Variants in MAST4 observed in about 807,000 individuals in gnomAD.
MAST4 encodes microtubule associated serine/threonine kinase family member 4.
Under a neutral mutation model 162.7 loss-of-function variants are expected in MAST4, and 89 were observed. The observed-to-expected ratio is 0.55, with a 90% CI of 0.46 to 0.65. The LOEUF is 0.65. Among genes scored for constraint, MAST4 ranks in the 30% least tolerant of loss-of-function variants. The probability of loss-of-function intolerance (pLI) is 0.00; values close to 1 mark genes in which losing one functional copy is unlikely to be tolerated. For synonymous variants in MAST4, 1,479 were observed against 1,361.1 expected (o/e 1.09, Z -1.91); for missense variants, 3,153 against 3,374.0 (o/e 0.93, Z 1.62).
chr5:66,911,234 C>G (rs534405479), intron 4 of MAST4, among the ~76,000 whole-genome samples: 1 of 152,028 alleles, frequency 6.6e-6, no homozygotes, highest in Non-Finnish European at 1.5e-5. Flanking sequence ...TGACCAGCAC[C>G]GTAAGGAAAT....
chr5:66,735,788 C>G (rs1468816370), intron 1 of MAST4, among the ~76,000 whole-genome samples: 2 of 152,134 alleles, frequency 1.3e-5, no homozygotes, highest in Non-Finnish European at 2.9e-5. Flanking sequence ...ATCACTGTAC[C>G]CTCACCCCCA....
rs1362083148 is a variant in MAST4 at position 66,860,430 on chromosome 5, G to T, written c.643-39521G>T. On this transcript the variant is annotated intron_variant, in intron 3 of 28. Coordinates refer to ENST00000403625, the MANE Select transcript of MAST4 (RefSeq NM_001164664.2). ...CATTTTATTTTTGCCCATAACAGAGGTTCACAATTATGAGAAGTGGTGCTT... is the reference window on the plus strand; with the variant it reads ...CATTTTATTTTTGCCCATAACAGAGTTTCACAATTATGAGAAGTGGTGCTT... Among the ~76,000 whole-genome samples, 6 of 152,224 alleles carry T rather than the reference G, an allele frequency of 3.9e-5. No individual in the cohort carries two copies. The East Asian group carries it at 1.2e-3, about 29-fold the overall frequency.
chr5:66,966,338 A>G (rs1345600916), intron 4 of MAST4, among the ~76,000 whole-genome samples: 16 of 152,234 alleles, frequency 1.1e-4, no homozygotes, highest in Admixed American at 1.0e-3. Flanking sequence ...TGTTTGAAAA[A>G]ATGCTTATTA....
At chr5:66,707,318 G>C (rs1306792507) in intron 1 of MAST4, among the ~76,000 whole-genome samples, 1 of 152,184 alleles carries the variant, frequency 6.6e-6, no homozygotes, top group Non-Finnish European at 1.5e-5. Context: ...CAGGTGCTGT[G>C]ATAGTAGAGC....
intron 4 of MAST4, among the ~76,000 whole-genome samples, chr5:67,034,654 GT>G (rs1434785494): frequency 6.6e-6 from 1 of 152,154 alleles, no homozygotes. Flanking sequence ...CTTTGACTTT[GT>G]AAGTTTTCTG....
chr5:67,071,845 A>T (rs1311808695), intron 5 of MAST4, among the ~76,000 whole-genome samples: 2 of 152,236 alleles, frequency 1.3e-5, no homozygotes, highest in Non-Finnish European at 2.9e-5. Flanking sequence ...GTACTATAGT[A>T]TTGATAGGAA....
intron 2 of MAST4, among the ~76,000 whole-genome samples, chr5:66,771,558 G>A (rs542640787): frequency 5.1e-4 from 78 of 152,230 alleles, no homozygotes; most frequent in African/African-American, 1.8e-3. Context: ...AACCAAAAAT[G>A]TATAGAGTAA....
At chr5:67,010,699 G>A (rs562214607) in intron 4 of MAST4, among the ~76,000 whole-genome samples, 34 of 152,158 alleles carry the variant, frequency 2.2e-4, no homozygotes, top group African/African-American at 7.5e-4. Context: ...TAAAGGGAGG[G>A]GACCAGGAGG....
chr5:66,704,492 C>CTTTTTTTTTTTTTTTTTTT (rs1172510331), intron 1 of MAST4, among the ~76,000 whole-genome samples: 1 of 97,344 alleles, frequency 1.0e-5, no homozygotes, highest in African/African-American at 4.3e-5. Flanking sequence ...GCTTGTTGTT[C>CTTTTTTTTTTTTTTTTTTT]TTTTTTTTTT....
chr5:66,598,809 G>A (rs995814401), intron 1 of MAST4, among the ~76,000 whole-genome samples: 29 of 152,206 alleles, frequency 1.9e-4, no homozygotes, highest in African/African-American at 6.5e-4. Flanking sequence ...GTGGTGGGGA[G>A]GGATGTTGTC....
In MAST4 at chr5:67,163,976, G is replaced by A. The variant is rs1561200607; in HGVS notation, c.4797G>A (p.Leu1599=). The change falls in exon 29 of 29, where the codon CTG becomes CTA. Residue 1599 remains leucine, a synonymous_variant. Coordinates refer to ENST00000403625, the MANE Select transcript of MAST4 (RefSeq NM_001164664.2). This position sits in a 1 kb window ranked among gnomAD's most constrained non-coding sequence, Gnocchi z 7.0. The part of the protein sequence containing the change: ...NKASMQEAPP[L]GSLLKDALHK... ...CGTCTATGCAGGAGGCGCCACCGCT[G>A]GGCAGCCTGCTGAAGGATGCTCTTC... 6.2e-7 allele frequency: 1 copy of A among 1,608,516 alleles called. No homozygotes were observed. Among genetic ancestry groups the A allele is most frequent in the East Asian group, 2.2e-5 (1 of 44,712 alleles).
Position 67,166,848 on chromosome 5 carries a change from G to C in MAST4, c.7669G>C (p.Val2557Leu), listed in dbSNP as rs756182168. The C allele has an allele frequency of 6.2e-7, 1 of 1,605,244 alleles. No homozygotes were observed. The highest frequency in any genetic ancestry group is 8.5e-7 in the Non-Finnish European group (1 of 1,176,388). ...RDRALSVTATVGETKGKDPAP... is the reference protein window; with the variant it reads ...RDRALSVTATLGETKGKDPAP... ...CAGGGCTCTCTCGGTGACTGCCACCGTAGGGGAAACCAAAGGGAAGGACCC... is the reference window on the plus strand; with the variant it reads ...CAGGGCTCTCTCGGTGACTGCCACCCTAGGGGAAACCAAAGGGAAGGACCC... Residue 2557 changes from valine (V) to leucine (L), a missense_variant, in exon 29 of 29, where the codon GTA becomes CTA. This residue lies in a region of MAST4 where 1,644 missense variants were observed against 1,495.0 expected (regional missense o/e 1.10). Coordinates refer to ENST00000403625, the MANE Select transcript of MAST4 (RefSeq NM_001164664.2).
chr5:66,951,632 G>GTGTGTGTA (rs1554072456), intron 4 of MAST4, among the ~76,000 whole-genome samples: 4 of 133,480 alleles, frequency 3.0e-5, no homozygotes, highest in African/African-American at 8.3e-5. Context: ...GTGTGTGTGT[G>GTGTGTGTA]TGTGTGTGTG....
intron 4 of MAST4, chr5:66,963,654 A>G (rs566935184): frequency 3.1e-5 from 24 of 778,182 alleles, no homozygotes; most frequent in Admixed American, 5.1e-5. Context: ...GAGCTATGCT[A>G]TTTTTACTGC....
At chr5:67,078,814 AT>A (rs1362864651) in intron 5 of MAST4, among the ~76,000 whole-genome samples, 2 of 104,102 alleles carry the variant, frequency 1.9e-5, no homozygotes, top group Non-Finnish European at 3.6e-5. Context: ...TTATATTTAT[AT>A]TTTTATATTT....
rs1774331341 is a variant in MAST4, at chr5:67,168,913, G to T, written c.*1862G>T. ...AAAAGGAAAAAAACAAACAAAAAAA[G>T]AAAAAGAAAAAAGCCTCCTCCTTGC... On this transcript the variant is annotated 3_prime_UTR_variant, in exon 29 of 29. Transcript: ENST00000403625. The T allele has an allele frequency of 6.6e-6, 1 of 151,908 alleles. No homozygotes were observed. The highest frequency in any genetic ancestry group is 6.6e-5 in the Admixed American group (1 of 15,254). The allele number at this position is 151,908 out of a possible 1,614,324, so 9.4% of individuals were successfully genotyped here. A position where few individuals can be genotyped will look rare whatever the true frequency, so the allele number is the denominator to read the frequency against.
At chr5:66,868,587 G>C (rs1026019943) in intron 3 of MAST4, among the ~76,000 whole-genome samples, 9 of 151,052 alleles carry the variant, frequency 6.0e-5, no homozygotes, top group African/African-American at 2.2e-4. Flanking sequence ...AAAACTTGTG[G>C]TGAGCTGTTT....
intron 1 of MAST4, among the ~76,000 whole-genome samples, chr5:66,723,874 T>A (rs1025562933): frequency 6.6e-6 from 1 of 152,110 alleles, no homozygotes; most frequent in Non-Finnish European, 1.5e-5. Context: ...TCAGTCTCAT[T>A]TGTAGGAAGA....
At chr5:66,755,053 C>A (rs1753444632) in intron 1 of MAST4, among the ~76,000 whole-genome samples, 1 of 152,130 alleles carries the variant, frequency 6.6e-6, no homozygotes, top group Non-Finnish European at 1.5e-5. Flanking sequence ...ATTGGAGCAT[C>A]TGGCTTCATT....
Sources: allele counts gnomAD v4.1 joint callset (sites outside exome capture counted in the v4.1 genomes callset), GRCh38; gene constraint gnomAD v4.1.1; regional missense constraint gnomAD v4.1.1; non-coding constraint Gnocchi (gnomAD v3.1); transcripts MANE v1.5; gene names NCBI Gene and HGNC (gene_info 2026-07-23, HGNC 2026-07-21).